Variants in ZFYVE26 observed in about 807,000 individuals in gnomAD.
ZFYVE26 encodes the protein zinc finger FYVE-type containing 26.
A neutral mutation model predicts 276.5 loss-of-function variants in ZFYVE26; 181 were observed. That is an observed-to-expected ratio of 0.65 (90% CI 0.58 to 0.74). The LOEUF is 0.74. Ranked by LOEUF, ZFYVE26 falls within the 30% of genes least tolerant of loss-of-function variation. ZFYVE26 has a pLI of 0.00. For synonymous variants in ZFYVE26, 1,129 were observed against 1,203.1 expected (o/e 0.94, Z 1.27); for missense variants, 2,821 against 3,097.9 (o/e 0.91, Z 2.12).
chr14:67,759,032 G>A (rs1435255515), intron 35 of ZFYVE26, among the ~76,000 whole-genome samples: 2 of 151,442 alleles, frequency 1.3e-5, no homozygotes, highest in African/African-American at 4.8e-5. Context: ...AAGGTCAGGA[G>A]ATTGAGACCA....
At chr14:67,814,548 CAAACA>C (rs1340640189) in intron 2 of ZFYVE26, among the ~76,000 whole-genome samples, 1 of 149,834 alleles carries the variant, frequency 6.7e-6, no homozygotes, top group Admixed American at 6.6e-5. Flanking sequence ...AACAAACAAA[CAAACA>C]AATCAGAACC....
intron 37 of ZFYVE26, 147 bp from the exon 38 acceptor site, chr14:67,754,359 G>T (rs1490262543): frequency 1.8e-6 from 2 of 1,088,762 alleles, no homozygotes; most frequent in Non-Finnish European, 2.7e-6. Context: ...CTTGTGAGCA[G>T]TTATGACAAG....
At chr14:67,812,108 C>T (rs2040314840) in intron 3 of ZFYVE26, among the ~76,000 whole-genome samples, 1 of 151,930 alleles carries the variant, frequency 6.6e-6, no homozygotes, top group South Asian at 2.1e-4. Flanking sequence ...TGCCTTTTTT[C>T]CCATACAGCA....
At chr14:67,769,357 A>C (rs138085179) in intron 29 of ZFYVE26, among the ~76,000 whole-genome samples, 2 of 152,354 alleles carry the variant, frequency 1.3e-5, no homozygotes, top group African/African-American at 4.8e-5. Flanking sequence ...TCCTGATTTA[A>C]GAACATCATG....
In ZFYVE26 at chr14:67,755,032, C is replaced by A; in HGVS notation, c.6986+19G>T. On this transcript the variant is annotated intron_variant, in intron 37 of 41. Transcript: ENST00000347230. Reference sequence around the variant, plus strand: ...ACCCTTTCTGCCCCACACCAATAGTCCCCTGAACCTCCAGCTACCTTGACA... The same window carrying A: ...ACCCTTTCTGCCCCACACCAATAGTACCCTGAACCTCCAGCTACCTTGACA... 1 of 1,613,144 alleles carries A rather than the reference C, an allele frequency of 6.2e-7. No homozygotes were observed. Among genetic ancestry groups the A allele is most frequent in the Non-Finnish European group, 8.5e-7 (1 of 1,179,896 alleles).
chr14:67,815,062 A>G (rs2040374631), intron 2 of ZFYVE26, among the ~76,000 whole-genome samples: 1 of 152,238 alleles, frequency 6.6e-6, no homozygotes, highest in African/African-American at 2.4e-5. Flanking sequence ...GGGTTGTTGT[A>G]TAAATACAAA....
At chr14:67,740,567 C>G (rs2038405155) in intron 13 of ZFYVE26, among the ~76,000 whole-genome samples, 1 of 152,082 alleles carries the variant, frequency 6.6e-6, no homozygotes, top group Non-Finnish European at 1.5e-5. Flanking sequence ...CTAATGTAAA[C>G]AATGGATATC....
In ZFYVE26 at chr14:67,778,188, T is replaced by C; in HGVS notation, c.4735A>G (p.Ser1579Gly). 1 of 1,614,206 alleles carries C rather than the reference T, an allele frequency of 6.2e-7. No homozygotes were observed. Among genetic ancestry groups the C allele is most frequent in the Non-Finnish European group, 8.5e-7 (1 of 1,180,034 alleles). Residue 1579 changes from serine to glycine, a missense_variant, in exon 24 of 42, where the codon AGC (serine) becomes GGC (glycine). Transcript: ENST00000347230. The stretch of plus-strand genomic sequence containing the variant: ...TGGAGAAGATGCTTTTGATGAAGGC[T>C]GATTAAATGTTCTCTTGGAATGGGG... ...LYPIPREHLI[S>G]LHQKHLLHLL...
intron 14 of ZFYVE26, among the ~76,000 whole-genome samples, chr14:67,793,277 A>G (rs545551329): frequency 1.3e-5 from 2 of 150,024 alleles, no homozygotes; most frequent in East Asian, 3.9e-4. Flanking sequence ...ACAAACAAAC[A>G]AGCAAACAAA....
At chr14:67,729,312 G>C (rs140821098) in exon 14 of ZFYVE26, 11 of 1,600,908 alleles carry the variant, frequency 6.9e-6, no homozygotes, top group Non-Finnish European at 7.6e-6. Context: ...CGGCACGGGA[G>C]GGGGCGCAGA....
intron 19 of ZFYVE26, 64 bp downstream of exon 19, chr14:67,784,995 C>A: frequency 1.3e-6 from 2 of 1,552,060 alleles, no homozygotes; most frequent in Non-Finnish European, 1.8e-6. Flanking sequence ...TGCATCTTTT[C>A]TCTTCCTTGC....
chr14:67,730,979 A>T (rs182900802), intron 13 of ZFYVE26, among the ~76,000 whole-genome samples: 1 of 152,296 alleles, frequency 6.6e-6, no homozygotes, highest in East Asian at 1.9e-4. Flanking sequence ...TTATATTTTT[A>T]AATGAGATAA....
Position 67,806,538 on chromosome 14 carries a change from G to C in ZFYVE26, c.1017+7C>G. On this transcript the variant is annotated splice_region_variant and intron_variant, in intron 6 of 41. Transcript: ENST00000347230. Reference sequence around the variant, plus strand: ...ACCTCTGTGATGAACAATTAAGCTTGACTTACCAGAATCTGCTCGAGGAAG... The same window carrying C: ...ACCTCTGTGATGAACAATTAAGCTTCACTTACCAGAATCTGCTCGAGGAAG... 6.2e-7 allele frequency: 1 copy of C among 1,614,086 alleles called. No individual in the cohort carries two copies. The highest frequency in any genetic ancestry group is 1.1e-5 in the South Asian group (1 of 91,054).
chr14:67,729,328 C>T (rs2038236372), exon 14 of ZFYVE26: 1 of 1,599,422 alleles, frequency 6.3e-7, no homozygotes, highest in African/African-American at 1.3e-5. Context: ...GCAGACCAGC[C>T]TGCACTGCGC....
At chr14:67,787,299 T>C (rs2039684068) in intron 16 of ZFYVE26, among the ~76,000 whole-genome samples, 1 of 151,388 alleles carries the variant, frequency 6.6e-6, no homozygotes, top group Admixed American at 6.6e-5. Context: ...AAGGCTGCAG[T>C]GAGCCGAGAT....
chr14:67,815,618 T>C, intron 2 of ZFYVE26, 152 bp downstream of exon 2: 3 of 771,044 alleles, frequency 3.9e-6, no homozygotes, highest in Non-Finnish European at 6.9e-6. Context: ...GGATGTATAC[T>C]ATAGAGGTAA....
chr14:67,794,106 G>A, intron 13 of ZFYVE26, 65 bp downstream of exon 13: 2 of 1,528,722 alleles, frequency 1.3e-6, no homozygotes, highest in Non-Finnish European at 1.8e-6. Context: ...TTACACCATG[G>A]TGTATGGCAA....
rs780197016 is a variant in ZFYVE26, at chr14:67,800,927, AAATAAAT to A, written c.1639+1145_1639+1151del. On this transcript the variant is annotated intron_variant, in intron 10 of 41. Coordinates refer to ENST00000347230, the MANE Select transcript of ZFYVE26 (RefSeq NM_015346.4). ...TTGGTATAATAAAAAGTTACCGTAT[AAATAAAT>A]AAATAAATAAATAAATAAATAAATA... is the stretch of plus-strand genomic sequence containing the variant. Among the ~76,000 whole-genome samples the A allele has an allele frequency of 6.7e-3, 973 of 144,180 alleles. 13 individuals carry two copies. Among genetic ancestry groups the A allele is most frequent in the African/African-American group, 0.026 (934 of 36,284 alleles). 94.6% of individuals were successfully genotyped at this position (144,180 alleles called of 152,430 possible).
chr14:67,805,118 A>G, intron 8 of ZFYVE26, 99 bp downstream of exon 8: 1 of 1,226,152 alleles, frequency 8.2e-7, no homozygotes, highest in Non-Finnish European at 1.2e-6. Context: ...TGCCAACTCA[A>G]AACATTTATG....
Sources: allele counts gnomAD v4.1 joint callset (sites outside exome capture counted in the v4.1 genomes callset), GRCh38; gene constraint gnomAD v4.1.1; transcripts MANE v1.5; gene names NCBI Gene and HGNC (gene_info 2026-07-23, HGNC 2026-07-21).